The following EDA variants were observed in gnomAD, a reference collection of about 807,000 sequenced individuals.
The protein encoded by EDA is ectodysplasin A, also known as ectodysplasin-A.
EDA carries 2 observed loss-of-function variants against 23.6 expected under a neutral mutation model. That is an observed-to-expected ratio of 0.08 (90% CI 0.03 to 0.27). The LOEUF is 0.27. EDA is among the 10% of genes least tolerant of loss of function. The probability of loss-of-function intolerance (pLI) is 1.00; values close to 1 mark genes in which losing one functional copy is unlikely to be tolerated. For missense variants in EDA, 229 were observed against 324.2 expected, an observed-to-expected ratio of 0.71 and a Z score of 2.26; for synonymous variants, 131 against 132.0, an observed-to-expected ratio of 0.99 and a Z score of 0.05.
At chrX:69,958,033 G>A (rs2019041509) in intron 2 of EDA, among the ~76,000 whole-genome samples, 1 of 112,106 alleles carries the variant, frequency 8.9e-6, no homozygotes, top group East Asian at 2.8e-4. Context: ...CTTCAGCTAG[G>A]CAGTGATGTA....
At chrX:70,034,752 T>G (rs1034129393) in intron 7 of EDA, among the ~76,000 whole-genome samples, 13 of 111,379 alleles carry the variant, frequency 1.2e-4, no homozygotes, top group African/African-American at 4.2e-4. Context: ...GGTAGCTAGC[T>G]CTCGATCTCT....
At chrX:69,810,253 A>G (rs1039319453) in intron 1 of EDA, among the ~76,000 whole-genome samples, 1 of 34,442 alleles carries the variant, frequency 2.9e-5, no homozygotes, top group Non-Finnish European at 4.3e-5. Context: ...GCGAGACTCC[A>G]TCTCAAAAAA....
chrX:69,692,120 C>T (rs1934727281), intron 1 of EDA, among the ~76,000 whole-genome samples: 2 of 111,503 alleles, frequency 1.8e-5, no homozygotes, highest in South Asian at 3.8e-4. Context: ...GATCTTTTCC[C>T]TTTCTCTGAA....
chrX:69,859,675 A>G (rs113415204), intron 1 of EDA, among the ~76,000 whole-genome samples: 158 of 111,712 alleles, frequency 1.4e-3, no homozygotes, highest in African/African-American at 4.8e-3. Flanking sequence ...TGTGCCATGT[A>G]GTGATGAGAA....
chrX:69,799,519 T>G (rs2015624629), intron 1 of EDA, among the ~76,000 whole-genome samples: 1 of 110,541 alleles, frequency 9.0e-6, no homozygotes, highest in African/African-American at 3.3e-5. Flanking sequence ...GAAAAAAATC[T>G]AATGATCTTA....
intron 1 of EDA, among the ~76,000 whole-genome samples, chrX:69,903,737 A>T (rs1241139785): frequency 5.4e-5 from 6 of 110,584 alleles, no homozygotes; most frequent in African/African-American, 9.9e-5. Flanking sequence ...ATTTTTAAAA[A>T]TTTTTTTTGA....
chrX:70,000,350 T>C (rs1229217574), intron 2 of EDA, among the ~76,000 whole-genome samples: 3 of 112,593 alleles, frequency 2.7e-5, no homozygotes, highest in Non-Finnish European at 1.9e-5. Context: ...AAAGATATTA[T>C]AAATAGCAAT....
At chrX:69,844,021 CAA>C (rs752030655) in intron 1 of EDA, among the ~76,000 whole-genome samples, 3 of 61,875 alleles carry the variant, frequency 4.8e-5, no homozygotes, top group African/African-American at 6.6e-5. Flanking sequence ...GACTCTGTCT[CAA>C]AAAAAAAAAA....
At chrX:69,848,996 G>A (rs1435348075) in intron 1 of EDA, among the ~76,000 whole-genome samples, 3 of 96,416 alleles carry the variant, frequency 3.1e-5, no homozygotes, top group Non-Finnish European at 6.4e-5. Flanking sequence ...GTGTGATTTA[G>A]TTTATAAGCC....
rs761403541 is a variant in EDA at position 69,645,584 on chromosome X, T to TTATATATATATATATATATATA, written c.396+28889_396+28890insATATATATATATATATATATAT. 5.3e-4 allele frequency among the ~76,000 whole-genome samples: 29 copies of TTATATATATATATATATATATA among 54,344 alleles called. 2 individuals carry two copies. Among genetic ancestry groups the TTATATATATATATATATATATA allele is most frequent in the East Asian group, 2.3e-3 (1 of 435 alleles). The allele number at this position is 54,344 out of a possible 115,157, so 47.2% of individuals were successfully genotyped here. Reference sequence around the variant, plus strand: ...GGTTGCTCTTAGTTCTCTAGTTCTTTTATATATATGTGTGTGTGTATATAT... The same window carrying TTATATATATATATATATATATA: ...GGTTGCTCTTAGTTCTCTAGTTCTTTTATATATATATATATATATATATATATATATGTGTGTGTGTATATAT... On this transcript the variant is annotated intron_variant, in intron 1 of 7. Coordinates refer to ENST00000374552, the MANE Select transcript of EDA (RefSeq NM_001399.5).
chrX:70,034,483 A>T (rs2020238178), intron 7 of EDA, among the ~76,000 whole-genome samples: 1 of 111,924 alleles, frequency 8.9e-6, no homozygotes, highest in African/African-American at 3.2e-5. Context: ...CATGGGGCAC[A>T]TGGGCATAAC....
intron 1 of EDA, among the ~76,000 whole-genome samples, chrX:69,803,568 A>T (rs1026759470): frequency 1.8e-5 from 2 of 111,232 alleles, no homozygotes; most frequent in African/African-American, 6.5e-5. Context: ...ACAATGCAAA[A>T]ACTGCAGTTA....
chrX:70,020,009 C>T (rs770101074), intron 2 of EDA, among the ~76,000 whole-genome samples: 1 of 110,827 alleles, frequency 9.0e-6, no homozygotes, highest in Non-Finnish European at 1.9e-5. Flanking sequence ...ACACTGTATG[C>T]CAAAATCTAT....
intron 1 of EDA, among the ~76,000 whole-genome samples, chrX:69,833,851 G>A (rs1447065087): frequency 9.1e-6 from 1 of 110,085 alleles, no homozygotes; most frequent in African/African-American, 3.3e-5. Flanking sequence ...TGTGCACAAC[G>A]TGCAGGTTTG....
At chrX:69,884,984 A>G (rs1197952145) in intron 1 of EDA, among the ~76,000 whole-genome samples, 1 of 111,819 alleles carries the variant, frequency 8.9e-6, no homozygotes. Flanking sequence ...AACATTTGCT[A>G]TTATCTCTCT....
intron 1 of EDA, among the ~76,000 whole-genome samples, chrX:69,938,897 A>T: frequency 8.9e-6 from 1 of 112,142 alleles, no homozygotes; most frequent in Non-Finnish European, 1.9e-5. Flanking sequence ...ATCAAACATG[A>T]GTTCACTGTA....
At chrX:69,897,756 C>T (rs1176985619) in intron 1 of EDA, among the ~76,000 whole-genome samples, 2 of 111,726 alleles carry the variant, frequency 1.8e-5, no homozygotes, top group Non-Finnish European at 3.8e-5. Flanking sequence ...TCTATGGAGA[C>T]AAGAAAGGGG....
intron 1 of EDA, among the ~76,000 whole-genome samples, chrX:69,701,161 G>A (rs1332057221): frequency 3.6e-5 from 4 of 111,700 alleles, no homozygotes; most frequent in African/African-American, 9.8e-5. Flanking sequence ...AGTTACCCTT[G>A]GCTCGTATGA....
chrX:69,973,842 G>A (rs1224822313), intron 2 of EDA, among the ~76,000 whole-genome samples: 2 of 111,184 alleles, frequency 1.8e-5, no homozygotes, highest in Admixed American at 1.9e-4. Context: ...CTTATAAAAA[G>A]TAAATCCCCT....
Sources: gnomAD v4.1 joint callset for allele counts (sites outside exome capture counted in the v4.1 genomes callset) on GRCh38, gnomAD v4.1.1 for gene constraint, MANE v1.5 for transcripts, NCBI Gene and HGNC (gene_info 2026-07-23, HGNC 2026-07-21) for gene names.